EPHA6: variants seen among roughly 807,000 people sequenced by gnomAD.
EPHA6 encodes EPH receptor A6, also known as ephrin type-A receptor 6.
EPHA6 carries 50 observed loss-of-function variants against 112.0 expected under a neutral mutation model. That is an observed-to-expected ratio of 0.45 (90% CI 0.36 to 0.56). The LOEUF (loss-of-function observed/expected upper bound fraction) is 0.56, where lower values mean the gene tolerates loss of function less well. EPHA6 is among the 20% of genes least tolerant of loss of function. The pLI is 0.00. For synonymous variants in EPHA6, 529 were observed against 490.7 expected (o/e 1.08, Z -1.03); for missense variants, 1,280 against 1,417.4 (o/e 0.90, Z 1.56).
At chr3:97,348,780 C>T (rs1297412013) in intron 5 of EPHA6, among the ~76,000 whole-genome samples, 1 of 151,924 alleles carries the variant, frequency 6.6e-6, no homozygotes, top group African/African-American at 2.4e-5. Context: ...GCAGGATAGT[C>T]TGGGAGCATA....
chr3:97,603,038 C>T (rs2093654799), intron 12 of EPHA6, among the ~76,000 whole-genome samples: 1 of 151,780 alleles, frequency 6.6e-6, no homozygotes, highest in Admixed American at 6.6e-5. Context: ...ATTTGTATAT[C>T]ACCATTACTT....
chr3:97,610,067 A>G (rs2093707047), intron 12 of EPHA6, among the ~76,000 whole-genome samples: 1 of 151,554 alleles, frequency 6.6e-6, no homozygotes, highest in Non-Finnish European at 1.5e-5. Flanking sequence ...AATTGATATG[A>G]TAAAAAAGGA....
intron 12 of EPHA6, among the ~76,000 whole-genome samples, chr3:97,608,356 A>G (rs1402330101): frequency 6.6e-6 from 1 of 151,258 alleles, no homozygotes; most frequent in Non-Finnish European, 1.5e-5. Flanking sequence ...TTGTTGAAAT[A>G]CTCCAGAGTG....
chr3:96,884,935 G>C (rs188191456), intron 2 of EPHA6, among the ~76,000 whole-genome samples: 9 of 152,222 alleles, frequency 5.9e-5, no homozygotes, highest in East Asian at 1.9e-4. Context: ...AATCATAAAG[G>C]GATGCTGGAT....
chr3:97,447,531 C>T (rs906132075), intron 6 of EPHA6, among the ~76,000 whole-genome samples: 1 of 151,998 alleles, frequency 6.6e-6, no homozygotes, highest in Non-Finnish European at 1.5e-5. Context: ...GCATTTTTTT[C>T]CAGATACCCT....
At chr3:97,239,967 T>C (rs1309701239) in intron 4 of EPHA6, among the ~76,000 whole-genome samples, 1 of 151,886 alleles carries the variant, frequency 6.6e-6, no homozygotes, top group Non-Finnish European at 1.5e-5. Context: ...ATTCTACCAC[T>C]AATGGACTGC....
At chr3:97,093,797 A>G (rs1013616171) in intron 3 of EPHA6, among the ~76,000 whole-genome samples, 5 of 152,094 alleles carry the variant, frequency 3.3e-5, no homozygotes, top group African/African-American at 1.2e-4. Context: ...ATGCTGATTA[A>G]TCTTATCATT....
At chr3:97,326,156 A>C (rs1490002199) in intron 5 of EPHA6, among the ~76,000 whole-genome samples, 1 of 152,052 alleles carries the variant, frequency 6.6e-6, no homozygotes, top group East Asian at 1.9e-4. Context: ...TGTGACTCTC[A>C]GGGAATTTCA....
intron 11 of EPHA6, among the ~76,000 whole-genome samples, chr3:97,544,256 G>A (rs1213435357): frequency 3.3e-5 from 5 of 152,018 alleles, no homozygotes; most frequent in Admixed American, 6.6e-5. Flanking sequence ...ATTATTTTGA[G>A]ATACGTCCCA....
chr3:97,380,345 T>G (rs1022010525), intron 5 of EPHA6, among the ~76,000 whole-genome samples: 2 of 152,210 alleles, frequency 1.3e-5, no homozygotes, highest in Non-Finnish European at 2.9e-5. Context: ...AGATGTTCCC[T>G]GGACATAGAC....
At chr3:97,606,994 A>T in intron 12 of EPHA6, among the ~76,000 whole-genome samples, 1 of 151,260 alleles carries the variant, frequency 6.6e-6, no homozygotes, top group East Asian at 1.9e-4. Context: ...AGTATGTTAA[A>T]TAACTGAATG....
chr3:97,123,161 T>G (rs2108307580), intron 3 of EPHA6, among the ~76,000 whole-genome samples: 1 of 152,182 alleles, frequency 6.6e-6, no homozygotes, highest in South Asian at 2.1e-4. Flanking sequence ...TTTGTCAGTT[T>G]AAAAATGTAA....
At chr3:97,615,329 C>CAGATT (rs2093756435) in intron 13 of EPHA6, among the ~76,000 whole-genome samples, 1 of 152,110 alleles carries the variant, frequency 6.6e-6, no homozygotes, top group South Asian at 2.1e-4. Context: ...AGAAGCTTTG[C>CAGATT]CGATTCACAG....
chr3:97,241,907 C>A (rs2078860935), intron 4 of EPHA6, among the ~76,000 whole-genome samples: 1 of 151,064 alleles, frequency 6.6e-6, no homozygotes, highest in African/African-American at 2.4e-5. Context: ...GAGAAAAGAC[C>A]AACCATATGA....
In EPHA6 at chr3:97,638,772, A is replaced by T. The variant is rs77807000; in HGVS notation, c.2784+690A>T. Among the ~76,000 whole-genome samples the T allele has an allele frequency of 5.9e-3, 894 of 152,238 alleles. 4 individuals carry two copies. Among genetic ancestry groups the T allele is most frequent in the Admixed American group, 0.019 (284 of 15,296 alleles). On this transcript the variant is annotated intron_variant, in intron 14 of 17. Coordinates refer to ENST00000389672, the MANE Select transcript of EPHA6 (RefSeq NM_001080448.3). ...TTGGTCTCAAAGTCTCTGTTGTGCT[A>T]TCTTCAAGCTACTAATTCATAAAGT... is the stretch of plus-strand genomic sequence containing the variant.
chr3:97,445,866 G>C (rs186687135), intron 6 of EPHA6, among the ~76,000 whole-genome samples: 26 of 152,154 alleles, frequency 1.7e-4, no homozygotes, highest in African/African-American at 4.8e-4. Flanking sequence ...ACAATGGAAC[G>C]TGTTCCCTAG....
At chr3:97,643,885 A>G (rs1451976883) in intron 14 of EPHA6, among the ~76,000 whole-genome samples, 4 of 150,984 alleles carry the variant, frequency 2.6e-5, no homozygotes, top group Non-Finnish European at 4.4e-5. Flanking sequence ...TCAATGAGAC[A>G]GAAAGTCAAC....
At chr3:97,689,523 G>C (rs888152894) in intron 14 of EPHA6, among the ~76,000 whole-genome samples, 25 of 152,168 alleles carry the variant, frequency 1.6e-4, no homozygotes, top group African/African-American at 6.0e-4. Flanking sequence ...AGCCTCTTTA[G>C]CGCTTCCTAG....
In EPHA6 at chr3:97,433,885, T is replaced by A. The variant is rs74569427; in HGVS notation, c.1732-14683T>A. 6.3e-4 allele frequency among the ~76,000 whole-genome samples: 96 copies of A among 152,178 alleles called. 1 individual carries two copies. In the East Asian group the frequency reaches 0.018, roughly 29 times the overall value. ...CTGGACACGGGATACATGAGAACAG[T>A]CATCAGATGGTTACTACCCCCATGG... On this transcript the variant is annotated intron_variant, in intron 6 of 17. Coordinates refer to ENST00000389672, the MANE Select transcript of EPHA6 (RefSeq NM_001080448.3).
Sources: allele counts gnomAD v4.1 joint callset (sites outside exome capture counted in the v4.1 genomes callset), GRCh38; gene constraint gnomAD v4.1.1; transcripts MANE v1.5; gene names NCBI Gene and HGNC (gene_info 2026-07-23, HGNC 2026-07-21).